The following MARK3 variants were observed in gnomAD, a reference collection of about 807,000 sequenced individuals.
MARK3 encodes the protein microtubule affinity regulating kinase 3, also known as MAP/microtubule affinity-regulating kinase 3.
In MARK3, 46 loss-of-function variants were observed where a neutral mutation model predicts 90.1. That is an observed-to-expected ratio of 0.51 (90% confidence interval 0.40 to 0.65). MARK3 has a LOEUF of 0.65. Ranked by LOEUF, MARK3 falls within the 30% of genes least tolerant of loss-of-function variation. The pLI, the probability that MARK3 is intolerant of heterozygous loss-of-function variation, is 0.00. For synonymous variants in MARK3, 321 were observed against 332.6 expected (o/e 0.97, Z 0.38); for missense variants, 818 against 947.2 (o/e 0.86, Z 1.79).
rs138999922 is a variant in MARK3, at chr14:103,395,889, A to T, written c.52-9187A>T. Among the ~76,000 whole-genome samples the T allele has an allele frequency of 3.4e-3, 522 of 152,150 alleles. 6 individuals are homozygous for T. Among genetic ancestry groups the T allele is most frequent in the African/African-American group, 0.012 (503 of 41,474 alleles). On this transcript the variant is annotated intron_variant, in intron 1 of 17. Transcript: ENST00000429436. Reference sequence around the variant, plus strand: ...CTGATTGGAAGTTTTGTGCATTTGGATGGATCTTGAATACAACAGTGGGAC... The same window carrying T: ...CTGATTGGAAGTTTTGTGCATTTGGTTGGATCTTGAATACAACAGTGGGAC...
At chr14:103,425,706 G>A (rs1566820468) in intron 2 of MARK3, among the ~76,000 whole-genome samples, 2 of 152,316 alleles carry the variant, frequency 1.3e-5, no homozygotes, top group South Asian at 4.1e-4. Flanking sequence ...AGTTTCCACT[G>A]AAACTTATGT....
chr14:103,491,779 C>T lies in MARK3; in HGVS notation c.1589C>T (p.Thr530Ile), dbSNP rs1197987097. Reference protein sequence around the residue: ...SVIQNGKENSTIPDQRTPVAS... With the variant: ...SVIQNGKENSIIPDQRTPVAS... ...CTTCTTACTTTCTGATCTCATAGCA[C>T]TATTCCTGATCAGAGAACTCCAGTT... Residue 530 changes from threonine to isoleucine, a missense_variant and splice_region_variant, in exon 15 of 18, where the codon ACT becomes ATT. Around this residue, in one of 3 missense-constraint regions of MARK3, gnomAD observed 560 missense variants for 613.5 expected, o/e 0.91. Transcript: ENST00000429436. 6.2e-7 allele frequency: 1 copy of T among 1,614,006 alleles called. No individual in the cohort carries two copies. Among genetic ancestry groups the T allele is most frequent in the Admixed American group, 1.7e-5 (1 of 60,022 alleles).
At chr14:103,467,938 T>C in intron 11 of MARK3, 95 bp from the exon 12 acceptor site, 1 of 1,260,768 alleles carries the variant, frequency 7.9e-7, no homozygotes, top group South Asian at 1.5e-5. Flanking sequence ...GAATGAACGG[T>C]TTATGAGAGG....
intron 8 of MARK3, 88 bp from the exon 9 acceptor site, chr14:103,465,884 G>A (rs181268202): frequency 1.3e-6 from 2 of 1,542,660 alleles, no homozygotes; most frequent in Admixed American, 1.9e-5. Flanking sequence ...TATCAGTGCG[G>A]GGGGTTTCAG....
chr14:103,452,673 G>T (rs915898952), intron 5 of MARK3, among the ~76,000 whole-genome samples: 3 of 151,214 alleles, frequency 2.0e-5, no homozygotes, highest in African/African-American at 7.3e-5. Flanking sequence ...GGGTTTCACC[G>T]TGTTAGCCAG....
chr14:103,421,928 C>A (rs1305790776), intron 2 of MARK3, among the ~76,000 whole-genome samples: 1 of 152,138 alleles, frequency 6.6e-6, no homozygotes, highest in African/African-American at 2.4e-5. Flanking sequence ...ACATATTACA[C>A]ACAGTTTAAA....
In MARK3 at chr14:103,385,582, C is replaced by G. The variant is rs1404529443; in HGVS notation, c.-448C>G. The G allele has an allele frequency of 6.4e-6, 1 of 155,720 alleles. No individual in the cohort carries two copies. Among genetic ancestry groups the G allele is most frequent in the Non-Finnish European group, 1.4e-5 (1 of 70,312 alleles). The allele number at this position is 155,720 out of a possible 1,614,324, so 9.6% of individuals were successfully genotyped here. Reference sequence around the variant, plus strand: ...CCACAGCCCGCGGCGGCCTGTCTTGCGCTCCACTTCCTTCACATCCTCCTC... The same window carrying G: ...CCACAGCCCGCGGCGGCCTGTCTTGGGCTCCACTTCCTTCACATCCTCCTC... On this transcript the variant is annotated 5_prime_UTR_variant, in exon 1 of 18. Coordinates refer to ENST00000429436, the MANE Select transcript of MARK3 (RefSeq NM_001128918.3).
intron 3 of MARK3, among the ~76,000 whole-genome samples, chr14:103,444,458 G>A (rs1197594619): frequency 6.6e-6 from 1 of 152,174 alleles, no homozygotes; most frequent in Non-Finnish European, 1.5e-5. Flanking sequence ...ATTGAAAAGG[G>A]AATGTGGAGA....
At position 103,414,517 on chromosome 14, in the gene MARK3, T is replaced by C. The variant is rs181985424; in HGVS notation, c.243+9250T>C. Among the ~76,000 whole-genome samples the C allele has an allele frequency of 1.2e-3, 186 of 152,328 alleles. 2 individuals are homozygous for C. Among genetic ancestry groups the C allele is most frequent in the East Asian group, 3.9e-4 (2 of 5,180 alleles). ...ACCACACCCAGCTACTTAGTACTTT[T>C]CTCAGCTAAGATCTTTATTTTTGTC... is the stretch of plus-strand genomic sequence containing the variant. On this transcript the variant is annotated intron_variant, in intron 2 of 17. Transcript: ENST00000429436.
At chr14:103,386,502 G>A (rs992069758) in intron 1 of MARK3, 4 of 429,156 alleles carry the variant, frequency 9.3e-6, no homozygotes, top group Non-Finnish European at 1.8e-5. Flanking sequence ...TACCGGTGCT[G>A]ATTAAGAGTA....
chr14:103,503,062 C>G lies in MARK3; in HGVS notation c.2097C>G (p.Phe699Leu), dbSNP rs200539165. ...DYEQRERFLL[F>L]CVHGDGHAEN... ...AGCAGAGGGAGCGCTTCTTGCTCTTCTGCGTCCACGGAGATGGGCACGCGG... is the reference window on the plus strand; with the variant it reads ...AGCAGAGGGAGCGCTTCTTGCTCTTGTGCGTCCACGGAGATGGGCACGCGG... The change falls in exon 18 of 18, where the codon TTC becomes TTG. Residue 699 changes from phenylalanine (F) to leucine (L), a missense_variant. By Grantham distance (22) the Phe-to-Leu change is conservative. Transcript: ENST00000429436. The G allele has an allele frequency of 6.2e-7, 1 of 1,614,270 alleles. No individual in the cohort carries two copies. Among genetic ancestry groups the G allele is most frequent in the African/African-American group, 1.3e-5 (1 of 75,072 alleles).
At chr14:103,435,359 T>A (rs1041019029) in intron 3 of MARK3, among the ~76,000 whole-genome samples, 1 of 150,348 alleles carries the variant, frequency 6.7e-6, no homozygotes, top group African/African-American at 2.5e-5. Flanking sequence ...TGTCTTCACT[T>A]CCCCCAAAGT....
intron 4 of MARK3, among the ~76,000 whole-genome samples, chr14:103,451,348 T>C (rs150349419): frequency 1.4e-4 from 21 of 151,952 alleles, no homozygotes; most frequent in African/African-American, 4.6e-4. Flanking sequence ...ATGATTCTTA[T>C]AAAAAAGATT....
At chr14:103,413,525 G>A (rs929573691) in intron 2 of MARK3, among the ~76,000 whole-genome samples, 1 of 149,970 alleles carries the variant, frequency 6.7e-6, no homozygotes, top group African/African-American at 2.4e-5. Context: ...TTGGACTCAA[G>A]CAACCTCCCA....
At chr14:103,423,585 G>A (rs557785868) in intron 2 of MARK3, among the ~76,000 whole-genome samples, 1 of 152,204 alleles carries the variant, frequency 6.6e-6, no homozygotes, top group East Asian at 1.9e-4. Context: ...CACTGCAATC[G>A]GGGATACCCC....
chr14:103,472,118 G>A (rs1321571746), intron 12 of MARK3, among the ~76,000 whole-genome samples: 1 of 151,720 alleles, frequency 6.6e-6, no homozygotes, highest in Non-Finnish European at 1.5e-5. Context: ...GGCTGAGGCA[G>A]GAGAATGGAT....
chr14:103,422,601 C>T (rs1323595236), intron 2 of MARK3, among the ~76,000 whole-genome samples: 4 of 152,218 alleles, frequency 2.6e-5, no homozygotes, highest in African/African-American at 7.2e-5. Context: ...AGAAGCCTCC[C>T]TTTGGCCTCC....
intron 7 of MARK3, 48 bp from the exon 8 acceptor site, chr14:103,465,509 A>G (rs2093486048): frequency 7.5e-7 from 1 of 1,327,440 alleles, no homozygotes; most frequent in Non-Finnish European, 1.1e-6. Context: ...CATAATTCTA[A>G]TTCTATTTTG....
Position 103,451,955 on chromosome 14 carries a change from C to G in MARK3, c.384C>G (p.Leu128=). The change falls in exon 5 of 18, where the codon CTC becomes CTG. Residue 128 remains leucine, a synonymous_variant. Transcript: ENST00000429436. ...AAGTCATTGAAACTGAAAAAACACT[C>G]TACCTAATCATGGAATATGCAAGTG... ...LFEVIETEKT[L]YLIMEYASGG... 6.2e-7 allele frequency: 1 copy of G among 1,612,374 alleles called. No individual in the cohort carries two copies. The highest frequency in any genetic ancestry group is 8.5e-7 in the Non-Finnish European group (1 of 1,179,016).
Sources: gnomAD v4.1 joint callset for allele counts (sites outside exome capture counted in the v4.1 genomes callset) on GRCh38, gnomAD v4.1.1 for gene constraint, gnomAD v4.1.1 regional missense constraint, MANE v1.5 for transcripts, NCBI Gene and HGNC (gene_info 2026-07-23, HGNC 2026-07-21) for gene names.